Variants in ITGA1 observed in about 807,000 individuals in gnomAD.
ITGA1 encodes integrin subunit alpha 1.
ITGA1 carries 85 observed loss-of-function variants against 145.9 expected under a neutral mutation model. The observed-to-expected ratio is 0.58, with a 90% CI of 0.49 to 0.70. The LOEUF is 0.70. Among genes scored for constraint, ITGA1 ranks in the 30% least tolerant of loss-of-function variants. The pLI is 0.00. For missense variants in ITGA1, 1,351 were observed against 1,418.7 expected (o/e 0.95, Z 0.77); for synonymous variants, 520 against 495.3 (o/e 1.05, Z -0.66).
At chr5:52,790,131 G>C (rs73092763) in intron 1 of ITGA1, among the ~76,000 whole-genome samples, 2 of 151,950 alleles carry the variant, frequency 1.3e-5, no homozygotes, top group Non-Finnish European at 2.9e-5. Context: ...TGTAACCTGG[G>C]GACTCATCAC....
rs768456434 is a variant in ITGA1, at chr5:52,865,099, A to G, written c.496+17A>G. ...CTGTACAAGGTACAGATTTTATGCA[A>G]TGTTCTTGCATGTTTGAAAAGCCTA... On this transcript the variant is annotated intron_variant, in intron 5 of 28. Coordinates refer to ENST00000282588, the MANE Select transcript of ITGA1 (RefSeq NM_181501.2). 2.1e-5 allele frequency: 32 copies of G among 1,538,584 alleles called. No homozygotes were observed. The highest frequency in any genetic ancestry group is 2.6e-5 in the Non-Finnish European group (29 of 1,117,474).
chr5:52,864,934 G>A, intron 4 of ITGA1, 37 bp from the exon 5 acceptor site: 1 of 1,570,508 alleles, frequency 6.4e-7, no homozygotes, highest in Non-Finnish European at 8.7e-7. Flanking sequence ...ATAATTTTCA[G>A]TCTAATGATT....
chr5:52,793,696 T>G (rs1193668700), intron 1 of ITGA1, among the ~76,000 whole-genome samples: 1 of 152,026 alleles, frequency 6.6e-6, no homozygotes, highest in South Asian at 2.1e-4. Flanking sequence ...GATATAACAT[T>G]GTTCCTCTCA....
At chr5:52,871,339 T>C (rs1749772637) in intron 6 of ITGA1, among the ~76,000 whole-genome samples, 1 of 152,204 alleles carries the variant, frequency 6.6e-6, no homozygotes, top group South Asian at 2.1e-4. Context: ...AGTCATAAGA[T>C]ATTTATCTTT....
intron 1 of ITGA1, among the ~76,000 whole-genome samples, chr5:52,834,582 A>AGAG (rs70974475): frequency 5.8e-4 from 87 of 149,878 alleles, no homozygotes; most frequent in Admixed American, 2.0e-3. Context: ...AGAAAGAAAG[A>AGAG]AAGAGAGAGA....
chr5:52,808,841 G>A (rs1748639871), intron 1 of ITGA1, among the ~76,000 whole-genome samples: 1 of 151,966 alleles, frequency 6.6e-6, no homozygotes, highest in Non-Finnish European at 1.5e-5. Flanking sequence ...AGCCAGCCCA[G>A]AGAGGGTTGG....
At chr5:52,816,467 T>C (rs940548382) in intron 1 of ITGA1, among the ~76,000 whole-genome samples, 3 of 152,176 alleles carry the variant, frequency 2.0e-5, no homozygotes, top group Non-Finnish European at 4.4e-5. Context: ...GCATGAAGTC[T>C]TCCTATTGCC....
chr5:52,936,330 G>C (rs914559483), intron 23 of ITGA1, among the ~76,000 whole-genome samples: 9 of 152,204 alleles, frequency 5.9e-5, no homozygotes, highest in Non-Finnish European at 1.3e-4. Flanking sequence ...TGGAAATCAA[G>C]AAGATAAGAG....
chr5:52,908,843 T>C, intron 12 of ITGA1, 55 bp from the exon 13 acceptor site: 3 of 1,589,138 alleles, frequency 1.9e-6, no homozygotes, highest in Non-Finnish European at 2.6e-6. Context: ...AGATTTCAGT[T>C]TCCTTGAGAA....
chr5:52,911,508 C>CTA (rs1453383885), intron 14 of ITGA1, among the ~76,000 whole-genome samples: 1 of 117,724 alleles, frequency 8.5e-6, no homozygotes, highest in Non-Finnish European at 1.7e-5. Context: ...AGTAGATACA[C>CTA]TATATATAGT....
At chr5:52,822,013 T>C (rs1029528337) in intron 1 of ITGA1, among the ~76,000 whole-genome samples, 62 of 152,204 alleles carry the variant, frequency 4.1e-4, no homozygotes, top group African/African-American at 1.5e-3. Context: ...ATCTGTTTTC[T>C]TGCAACTTAA....
At chr5:52,930,727 A>G (rs1463325358) in intron 21 of ITGA1, among the ~76,000 whole-genome samples, 1 of 152,192 alleles carries the variant, frequency 6.6e-6, no homozygotes, top group East Asian at 1.9e-4. Flanking sequence ...CAGGCAAAAT[A>G]TATAGCTTGA....
intron 7 of ITGA1, among the ~76,000 whole-genome samples, chr5:52,887,341 A>G (rs1750070065): frequency 6.6e-6 from 1 of 152,150 alleles, no homozygotes; most frequent in African/African-American, 2.4e-5. Context: ...TCCCCAGATT[A>G]GAGGATTTTC....
intron 6 of ITGA1, among the ~76,000 whole-genome samples, chr5:52,866,431 G>A (rs1014591029): frequency 2.0e-5 from 3 of 152,102 alleles, no homozygotes; most frequent in Non-Finnish European, 4.4e-5. Context: ...TACTTAAAAT[G>A]GATATAGCCA....
chr5:52,830,033 A>G (rs1749034084), intron 1 of ITGA1, among the ~76,000 whole-genome samples: 1 of 152,302 alleles, frequency 6.6e-6, no homozygotes, highest in East Asian at 1.9e-4. Context: ...AAATATATGA[A>G]TGAAGTAATA....
At chr5:52,932,262 C>T (rs1430210400) in intron 22 of ITGA1, 126 bp downstream of exon 22, 1 of 602,274 alleles carries the variant, frequency 1.7e-6, no homozygotes, top group African/African-American at 1.9e-5. Context: ...TCTCTGGCCC[C>T]ACCAGAAACC....
chr5:52,808,676 C>CTTTCTTTCTT (rs1554041033), intron 1 of ITGA1, among the ~76,000 whole-genome samples: 224 of 69,254 alleles, frequency 3.2e-3, no homozygotes, highest in African/African-American at 4.8e-3. Context: ...TTCTTTCTTT[C>CTTTCTTTCTT]TTTTTTTTTT....
chr5:52,788,245 C>T lies in ITGA1; in HGVS notation c.-109C>T, dbSNP rs1249079292. On this transcript the variant is annotated 5_prime_UTR_variant, in exon 1 of 29. Transcript: ENST00000282588. The stretch of plus-strand genomic sequence containing the variant: ...GCGCCGCTGCCACTGGGGCAGAGGA[C>T]TGGGAACCGCGGCAGCGGGATAAGT... The T allele has an allele frequency of 1.2e-6, 1 of 844,078 alleles. No homozygotes were observed. Among genetic ancestry groups the T allele is most frequent in the African/African-American group, 1.8e-5 (1 of 55,180 alleles). 52.3% of individuals were successfully genotyped at this position (844,078 alleles called of 1,614,324 possible).
At chr5:52,818,457 C>G (rs1214096957) in intron 1 of ITGA1, among the ~76,000 whole-genome samples, 5 of 152,176 alleles carry the variant, frequency 3.3e-5, no homozygotes, top group African/African-American at 1.2e-4. Context: ...GAAGTATATT[C>G]AAGTATCACT....
Sources: allele counts gnomAD v4.1 joint callset (sites outside exome capture counted in the v4.1 genomes callset), GRCh38; gene constraint gnomAD v4.1.1; transcripts MANE v1.5; gene names NCBI Gene and HGNC (gene_info 2026-07-23, HGNC 2026-07-21).